The following NOX5 variants were observed in gnomAD, a reference collection of about 807,000 sequenced individuals.
NOX5 encodes the protein NADPH oxidase 5.
In NOX5, 76 loss-of-function variants were observed where a neutral mutation model predicts 85.7. The observed-to-expected ratio is 0.89, with a 90% CI of 0.74 to 1.07. NOX5 has a LOEUF of 1.07. NOX5 is among the 50% of genes least tolerant of loss of function. The pLI, the probability that NOX5 is intolerant of heterozygous loss-of-function variation, is 0.00. For synonymous variants in NOX5, 405 were observed against 401.4 expected (o/e 1.01, Z -0.11); for missense variants, 973 against 999.5 (o/e 0.97, Z 0.36).
chr15:69,036,955 C>T (rs533964628), intron 7 of NOX5, 73 bp from the exon 8 acceptor site: 4 of 1,223,104 alleles, frequency 3.3e-6, no homozygotes, highest in Non-Finnish European at 4.8e-6. Flanking sequence ...TTGAGGATAA[C>T]CCTGAGTCCT....
At chr15:69,051,842 GT>G (rs146592546) in intron 14 of NOX5, among the ~76,000 whole-genome samples, 21 of 148,748 alleles carry the variant, frequency 1.4e-4, no homozygotes, top group East Asian at 1.4e-3. Flanking sequence ...TTCCATTCCT[GT>G]TTTTTTTTTA....
At chr15:69,030,713 A>G (rs1167159597) in intron 3 of NOX5, 1 of 152,218 alleles carries the variant, frequency 6.6e-6, no homozygotes. Flanking sequence ...GGCCGGAATG[A>G]TGATCACAAC....
At chr15:69,042,503 G>C (rs2050607799) in intron 9 of NOX5, among the ~76,000 whole-genome samples, 160 bp from the exon 10 acceptor site, 1 of 152,226 alleles carries the variant, frequency 6.6e-6, no homozygotes, top group Admixed American at 6.5e-5. Flanking sequence ...AGCTCTCCAA[G>C]TCCTGTGGCT....
chr15:69,034,036 A>T (rs149129840), intron 5 of NOX5, among the ~76,000 whole-genome samples: 73 of 152,134 alleles, frequency 4.8e-4, no homozygotes, highest in African/African-American at 1.6e-3. Context: ...TTAAAACAAA[A>T]GCCCTCTTAT....
rs557205026 is a variant in NOX5 at position 69,023,074 on chromosome 15, A to C, written c.51-3454A>C. 1.6e-4 allele frequency: 69 copies of C among 438,124 alleles called. No homozygotes were observed. The East Asian group carries it at 4.6e-3, about 29-fold the overall frequency. 27.1% of individuals were successfully genotyped at this position (438,124 alleles called of 1,614,324 possible). A position where few individuals can be genotyped will look rare whatever the true frequency, so the allele number is the denominator to read the frequency against. On this transcript the variant is annotated intron_variant, in intron 1 of 15. Transcript: ENST00000388866. Reference sequence around the variant, plus strand: ...TTTGCATCAACTGGTTACCACTGTGAGTTCAATAATAACCCTGCAGACTTC... The same window carrying C: ...TTTGCATCAACTGGTTACCACTGTGCGTTCAATAATAACCCTGCAGACTTC...
At chr15:69,025,517 C>T (rs1432035236) in intron 1 of NOX5, among the ~76,000 whole-genome samples, 1 of 152,200 alleles carries the variant, frequency 6.6e-6, no homozygotes. Flanking sequence ...TTGGGTGACT[C>T]AGTTTCCACT....
intron 1 of NOX5, among the ~76,000 whole-genome samples, chr15:69,025,078 C>G (rs772148860): frequency 6.6e-5 from 10 of 152,116 alleles, no homozygotes; most frequent in Non-Finnish European, 1.0e-4. Flanking sequence ...AATTCAGAAC[C>G]ATTGTTCTTA....
intron 2 of NOX5, among the ~76,000 whole-genome samples, 153 bp from the exon 3 acceptor site, chr15:69,028,062 G>A (rs1244456021): frequency 6.6e-6 from 1 of 152,080 alleles, no homozygotes. Context: ...AGCAGATCAC[G>A]ATGGGTGTTC....
In NOX5 at chr15:69,055,419, C is replaced by G; in HGVS notation, c.2085C>G (p.Asp695Glu). 1 of 1,614,208 alleles carries G rather than the reference C, an allele frequency of 6.2e-7. No individual in the cohort carries two copies. Residue 695 changes from aspartate (D) to glutamate (E), a missense_variant, in exon 15 of 16, where the codon GAC (aspartate) becomes GAG (glutamate). Asp to Glu is a conservative substitution (Grantham distance 45). Transcript: ENST00000388866. Reference protein sequence around the residue: ...MKAIGLQMALDLLANKEKKDS... With the variant: ...MKAIGLQMALELLANKEKKDS... ...CCATTGGCCTGCAGATGGCCCTTGA[C>G]CTCCTGGCCAACAAGGAGAAGAAAG...
At chr15:69,053,769 T>C (rs1215882881) in intron 14 of NOX5, among the ~76,000 whole-genome samples, 1 of 152,096 alleles carries the variant, frequency 6.6e-6, no homozygotes, top group Non-Finnish European at 1.5e-5. Context: ...CCATGGTGTC[T>C]CCCCTTCTCT....
chr15:69,028,871 C>A (rs2050394218), intron 3 of NOX5: 1 of 151,210 alleles, frequency 6.6e-6, no homozygotes. Context: ...AAAAATGAAT[C>A]CCATTTTTTA....
intron 1 of NOX5, among the ~76,000 whole-genome samples, chr15:69,019,155 C>A (rs992842775): frequency 6.6e-6 from 1 of 152,170 alleles, no homozygotes; most frequent in Admixed American, 6.5e-5. Flanking sequence ...GAGCCACCAC[C>A]CCCGGCCTTG....
chr15:69,046,122 A>C (rs978597872), intron 10 of NOX5: 1 of 152,250 alleles, frequency 6.6e-6, no homozygotes, highest in Admixed American at 6.5e-5. Flanking sequence ...TGCTTCCTTC[A>C]CCTTCCAGAA....
In NOX5 at chr15:69,043,336, G is replaced by A. The variant is rs1457046898; in HGVS notation, c.1647+531G>A. ...CCTATAAAGCTGATGAGTTGCTGGT[G>A]TCATCAAGGCTTTGGAGGAACAGAG... On this transcript the variant is annotated intron_variant, in intron 10 of 15. Coordinates refer to ENST00000388866, the MANE Select transcript of NOX5 (RefSeq NM_024505.4). Among the ~76,000 whole-genome samples the A allele has an allele frequency of 2.6e-5, 4 of 152,168 alleles. No homozygotes were observed. The East Asian group carries it at 7.7e-4, about 29-fold the overall frequency.
At chr15:69,042,375 C>T (rs2050606297) in intron 9 of NOX5, among the ~76,000 whole-genome samples, 1 of 152,282 alleles carries the variant, frequency 6.6e-6, no homozygotes, top group South Asian at 2.1e-4. Context: ...AGAGTCCCTG[C>T]CTTTAGAAAA....
Position 69,031,781 on chromosome 15 carries a change from T to C in NOX5, c.589T>C (p.Phe197Leu), listed in dbSNP as rs759442435. The C allele has an allele frequency of 3.1e-6, 5 of 1,604,390 alleles. No homozygotes were observed. The Admixed American group carries it at 8.4e-5, about 27-fold the overall frequency. The change falls in exon 4 of 16, where the codon TTC becomes CTC. Residue 197 changes from phenylalanine (F) to leucine (L), a missense_variant. Coordinates refer to ENST00000388866, the MANE Select transcript of NOX5 (RefSeq NM_024505.4). ...GGAGCTCCGGGACGAGCTGCAGCGCTTCCCCGGAGTCATGGAGAACCTGAC... is the reference window on the plus strand; with the variant it reads ...GGAGCTCCGGGACGAGCTGCAGCGCCTCCCCGGAGTCATGGAGAACCTGAC... ...FEELRDELQRFPGVMENLTIS... is the reference protein window; with the variant it reads ...FEELRDELQRLPGVMENLTIS...
intron 15 of NOX5, 97 bp from the exon 16 acceptor site, chr15:69,056,468 G>T: frequency 3.3e-6 from 5 of 1,494,394 alleles, no homozygotes; most frequent in South Asian, 2.6e-5. Context: ...CATTGCTGCC[G>T]ACCCGTTATG....
intron 10 of NOX5, among the ~76,000 whole-genome samples, chr15:69,044,576 C>CT (rs1433637852): frequency 6.6e-6 from 1 of 151,844 alleles, no homozygotes; most frequent in Non-Finnish European, 1.5e-5. Flanking sequence ...ATTAAGTCTC[C>CT]TAAAAAAAAT....
At position 69,060,462 on chromosome 15, in the gene NOX5, C is replaced by G. The variant is rs1284305850; in HGVS notation, c.*3766C>G. 2 of 152,184 alleles carry G rather than the reference C, an allele frequency of 1.3e-5. No homozygotes were observed. Among genetic ancestry groups the G allele is most frequent in the Non-Finnish European group, 2.9e-5 (2 of 68,048 alleles). The allele number at this position is 152,184 out of a possible 1,614,324, so 9.4% of individuals were successfully genotyped here. A position where few individuals can be genotyped will look rare whatever the true frequency, so the allele number is the denominator to read the frequency against. The stretch of plus-strand genomic sequence containing the variant: ...TTTGACCTCTCTGAGTTCTCACTTT[C>G]TTATTATAAAGTGAACAGATCAAGT... On this transcript the variant is annotated 3_prime_UTR_variant, in exon 16 of 16. Coordinates refer to ENST00000388866, the MANE Select transcript of NOX5 (RefSeq NM_024505.4).
Sources: allele counts gnomAD v4.1 joint callset (sites outside exome capture counted in the v4.1 genomes callset), GRCh38; gene constraint gnomAD v4.1.1; transcripts MANE v1.5; gene names NCBI Gene and HGNC (gene_info 2026-07-23, HGNC 2026-07-21).